The following GLIS3 variants were observed in gnomAD, a reference collection of about 807,000 sequenced individuals.
GLIS3 encodes the protein GLIS family zinc finger 3.
GLIS3 carries 53 observed loss-of-function variants against 78.6 expected under a neutral mutation model. That is an observed-to-expected ratio of 0.67 (90% CI 0.54 to 0.85). The LOEUF is 0.85. GLIS3 is among the 40% of genes least tolerant of loss of function. The pLI, the probability that GLIS3 is intolerant of heterozygous loss-of-function variation, is 0.00. For synonymous variants in GLIS3, 684 were observed against 509.9 expected (o/e 1.34, Z -4.60); for missense variants, 1,703 against 1,231.1 (o/e 1.38, Z -5.74).
intron 2 of GLIS3, among the ~76,000 whole-genome samples, chr9:4,200,528 C>T (rs1337897951): frequency 6.6e-6 from 1 of 152,080 alleles, no homozygotes; most frequent in Non-Finnish European, 1.5e-5. Flanking sequence ...ATTATGAACA[C>T]CTCTATGCAC....
At chr9:4,387,883 G>T in the GLIS3 span, among the ~76,000 whole-genome samples, 1 of 152,170 alleles carries the variant, frequency 6.6e-6, no homozygotes, top group African/African-American at 2.4e-5. Flanking sequence ...ATTTGTTATA[G>T]AACCTTTCAT....
chr9:4,032,083 C>G (rs565302950), intron 4 of GLIS3, among the ~76,000 whole-genome samples: 1 of 152,096 alleles, frequency 6.6e-6, no homozygotes, highest in Non-Finnish European at 1.5e-5. Context: ...CTGAGCAGCC[C>G]TGCAGAGCAA....
chr9:4,163,303 T>C (rs1408444660), intron 2 of GLIS3, among the ~76,000 whole-genome samples: 1 of 152,210 alleles, frequency 6.6e-6, no homozygotes, highest in Non-Finnish European at 1.5e-5. Context: ...TTCTCAAACA[T>C]GCCCATTTAA....
rs565272986 is a variant in GLIS3, at chr9:4,320,662, A to G, written n.265-10134T>C. 2.0e-5 allele frequency among the ~76,000 whole-genome samples: 3 copies of G among 151,906 alleles called. No homozygotes were observed. In the South Asian group the frequency reaches 6.3e-4, roughly 32 times the overall value. On this transcript the variant is annotated intron_variant and non_coding_transcript_variant, in intron 2 of 4. Transcript: ENST00000471664. ...CATCATTACTGTTGCCACCATCACT[A>G]CCTCCATCATCACCACCGCCATCAC...
the GLIS3 span, among the ~76,000 whole-genome samples, chr9:4,398,229 T>C: frequency 2.0e-5 from 3 of 151,914 alleles, no homozygotes; most frequent in Admixed American, 2.0e-4. Context: ...TTTTTTTTAA[T>C]ATCATTACAC....
chr9:4,105,728 T>G (rs866302583), intron 4 of GLIS3, among the ~76,000 whole-genome samples: 4 of 152,308 alleles, frequency 2.6e-5, no homozygotes, highest in South Asian at 4.1e-4. Flanking sequence ...AGTAAGCAGT[T>G]GGAGTGATTT....
At chr9:4,485,024 G>T in the GLIS3 span, among the ~76,000 whole-genome samples, 1 of 144,156 alleles carries the variant, frequency 6.9e-6, no homozygotes, top group African/African-American at 2.6e-5. Context: ...GGGGGTGGGG[G>T]TGGTGGGGGG....
Position 4,243,818 on chromosome 9 carries a change from A to C in GLIS3, c.388+42220T>G, listed in dbSNP as rs372534963. ...TGTCGAGTTTGTAACTACCACAATGATTTACATTAGGAAGTAAATCAAAAT... is the reference window on the plus strand; with the variant it reads ...TGTCGAGTTTGTAACTACCACAATGCTTTACATTAGGAAGTAAATCAAAAT... On this transcript the variant is annotated intron_variant, in intron 2 of 10. Transcript: ENST00000381971. Among the ~76,000 whole-genome samples the C allele has an allele frequency of 1.9e-4, 29 of 152,324 alleles. No individual in the cohort carries two copies. The South Asian group carries it at 6.0e-3, about 32-fold the overall frequency.
At chr9:4,215,250 G>A (rs1820713774) in intron 2 of GLIS3, among the ~76,000 whole-genome samples, 1 of 152,060 alleles carries the variant, frequency 6.6e-6, no homozygotes, top group Non-Finnish European at 1.5e-5. Flanking sequence ...AATTAAAACT[G>A]GTCTAAACAT....
intron 6 of GLIS3, among the ~76,000 whole-genome samples, chr9:3,914,791 C>G (rs1824389830): frequency 6.6e-6 from 1 of 152,156 alleles, no homozygotes; most frequent in South Asian, 2.1e-4. Flanking sequence ...GAACCTTCAT[C>G]TTCTGACCAC....
intron 4 of GLIS3, among the ~76,000 whole-genome samples, chr9:4,042,682 C>T (rs1023285123): frequency 6.6e-6 from 1 of 152,136 alleles, no homozygotes; most frequent in African/African-American, 2.4e-5. Flanking sequence ...CTCAAAATCA[C>T]TTCAGCTGCC....
At chr9:4,140,939 T>C (rs1324994023) in intron 2 of GLIS3, among the ~76,000 whole-genome samples, 1 of 152,016 alleles carries the variant, frequency 6.6e-6, no homozygotes, top group Admixed American at 6.6e-5. Context: ...GCTGGGATTA[T>C]CGGCGCGTGC....
At chr9:4,007,330 C>T (rs930264036) in intron 4 of GLIS3, among the ~76,000 whole-genome samples, 1 of 152,046 alleles carries the variant, frequency 6.6e-6, no homozygotes, top group African/African-American at 2.4e-5. Flanking sequence ...TTTCTCTGCC[C>T]CCACACCTCA....
chr9:3,885,409 A>G (rs1337896511), intron 7 of GLIS3, among the ~76,000 whole-genome samples: 3 of 152,218 alleles, frequency 2.0e-5, no homozygotes, highest in Non-Finnish European at 2.9e-5. Flanking sequence ...CATTATGGCC[A>G]TGGTGCTGCT....
At chr9:4,464,229 G>A in the GLIS3 span, among the ~76,000 whole-genome samples, 1 of 151,954 alleles carries the variant, frequency 6.6e-6, no homozygotes, top group East Asian at 1.9e-4. Flanking sequence ...AGGCCTGGGG[G>A]TCAGAGTCTC....
intron 4 of GLIS3, among the ~76,000 whole-genome samples, chr9:4,001,698 A>G (rs953438441): frequency 6.6e-6 from 1 of 152,232 alleles, no homozygotes; most frequent in Non-Finnish European, 1.5e-5. Context: ...CAGTCATCAT[A>G]TCTGCCATTT....
intron 2 of GLIS3, among the ~76,000 whole-genome samples, chr9:4,285,262 A>T (rs935443703): frequency 6.6e-6 from 1 of 152,366 alleles, no homozygotes; most frequent in Admixed American, 6.5e-5. Flanking sequence ...GTCATCTACA[A>T]TATAACCTCA....
chr9:4,486,257 C>A, the GLIS3 span, among the ~76,000 whole-genome samples: 2 of 152,152 alleles, frequency 1.3e-5, no homozygotes, highest in East Asian at 3.8e-4. Flanking sequence ...TCCCCTGCCA[C>A]CGTCTCCCAC....
At chr9:3,953,781 C>CA (rs1816867971) in intron 4 of GLIS3, among the ~76,000 whole-genome samples, 6 of 39,764 alleles carry the variant, frequency 1.5e-4, no homozygotes, top group African/African-American at 5.7e-4. Flanking sequence ...CTCTCTCTCT[C>CA]TCTCTCTCTC....
Sources: gnomAD v4.1 joint callset for allele counts (sites outside exome capture counted in the v4.1 genomes callset) on GRCh38, gnomAD v4.1.1 for gene constraint, MANE v1.5 for transcripts, NCBI Gene and HGNC (gene_info 2026-07-23, HGNC 2026-07-21) for gene names.